Variants in TGFBR3 observed in about 807,000 individuals in gnomAD.
The protein encoded by TGFBR3 is transforming growth factor beta receptor 3, also known as transforming growth factor beta receptor type 3.
TGFBR3 carries 46 observed loss-of-function variants against 87.9 expected under a neutral mutation model. The observed-to-expected ratio is 0.52, with a 90% CI of 0.41 to 0.67. TGFBR3 has a LOEUF of 0.67. Ranked by LOEUF, TGFBR3 falls within the 30% of genes least tolerant of loss-of-function variation. The pLI is 0.00. For missense variants in TGFBR3, 866 were observed against 1,041.9 expected (o/e 0.83, Z 2.32); for synonymous variants, 381 against 391.6 (o/e 0.97, Z 0.32).
intron 2 of TGFBR3, chr1:91,830,040 C>T (rs1348672450): frequency 6.6e-6 from 1 of 152,240 alleles, no homozygotes; most frequent in Non-Finnish European, 1.5e-5. Flanking sequence ...CTCTTGAGTA[C>T]AGACCCAAAT....
At chr1:91,800,328 ATATGTGTGTGTG>A (rs1675567850) in intron 2 of TGFBR3, among the ~76,000 whole-genome samples, 1 of 122,578 alleles carries the variant, frequency 8.2e-6, no homozygotes, top group Admixed American at 8.1e-5. Flanking sequence ...ATATATGTGT[ATATGTGTGTGTG>A]TGTGTGTGTG....
At chr1:91,903,263 T>C (rs1679770734) in intron 1 of TGFBR3, among the ~76,000 whole-genome samples, 1 of 127,968 alleles carries the variant, frequency 7.8e-6, no homozygotes, top group South Asian at 2.6e-4. Context: ...TGCTTGAACC[T>C]GGGAGGCAGA....
At chr1:91,854,330 AC>A (rs1474583562) in intron 2 of TGFBR3, among the ~76,000 whole-genome samples, 1 of 151,950 alleles carries the variant, frequency 6.6e-6, no homozygotes, top group African/African-American at 2.4e-5. Flanking sequence ...CATGTCCTTC[AC>A]CATGGGGGCC....
chr1:91,896,491 G>A (rs184777445), intron 2 of TGFBR3, among the ~76,000 whole-genome samples: 142 of 152,276 alleles, frequency 9.3e-4, no homozygotes, highest in African/African-American at 3.3e-3. Flanking sequence ...TCCAGGCAGG[G>A]AGCAAGTATG....
intron 12 of TGFBR3, among the ~76,000 whole-genome samples, chr1:91,715,527 C>A (rs573522083): frequency 5.8e-4 from 89 of 152,214 alleles, no homozygotes; most frequent in Middle Eastern, 3.2e-3. Flanking sequence ...GCAATACTTA[C>A]AACTCTGTTT....
rs2987446 is a variant in TGFBR3, at chr1:91,893,472, A to G, written c.-114+6165T>C. Among the ~76,000 whole-genome samples the G allele has an allele frequency of 4.9e-3, 751 of 152,224 alleles. 4 individuals carry two copies. Among genetic ancestry groups the G allele is most frequent in the African/African-American group, 0.017 (727 of 41,548 alleles). On this transcript the variant is annotated intron_variant, in intron 2 of 17. Transcript: ENST00000370399. ...TTAATTGTTGTATTTTCTGTAGAGC[A>G]GGGTTTCACCATGTTGGCCAGGCTG...
chr1:91,746,591 G>A (rs1401661561), intron 4 of TGFBR3, among the ~76,000 whole-genome samples: 2 of 152,090 alleles, frequency 1.3e-5, no homozygotes, highest in African/African-American at 4.8e-5. Flanking sequence ...ATGTGCTCCT[G>A]GAGAACCCCA....
At chr1:91,905,536 G>C (rs748801179) in intron 1 of TGFBR3, among the ~76,000 whole-genome samples, 33 of 152,202 alleles carry the variant, frequency 2.2e-4, no homozygotes, top group Non-Finnish European at 2.8e-4. Context: ...AGGTTCAAGC[G>C]ATTCTCGTGC....
chr1:91,740,490 A>C (rs112787212), intron 4 of TGFBR3, among the ~76,000 whole-genome samples: 1 of 150,238 alleles, frequency 6.7e-6, no homozygotes, highest in Non-Finnish European at 1.5e-5. Flanking sequence ...TCAGCCTCCC[A>C]AGTAGCTGGG....
At chr1:91,740,196 A>G (rs894366292) in intron 4 of TGFBR3, among the ~76,000 whole-genome samples, 3 of 151,956 alleles carry the variant, frequency 2.0e-5, no homozygotes, top group Admixed American at 1.3e-4. Flanking sequence ...AGTAGCTGGG[A>G]TTACAGGCGT....
chr1:91,697,180 G>C (rs557341488), intron 15 of TGFBR3, among the ~76,000 whole-genome samples: 3 of 152,252 alleles, frequency 2.0e-5, no homozygotes, highest in African/African-American at 7.2e-5. Context: ...AATTGAACAT[G>C]ATTACAAGTT....
At chr1:91,878,545 C>T (rs1453768932) in intron 1 of TGFBR3, among the ~76,000 whole-genome samples, 1 of 152,198 alleles carries the variant, frequency 6.6e-6, no homozygotes, top group African/African-American at 2.4e-5. Flanking sequence ...CAGAGTTCTA[C>T]TAGACCCTCC....
upstream of TGFBR3, among the ~76,000 whole-genome samples, chr1:91,890,485 T>C (rs1166230775): frequency 6.2e-5 from 8 of 128,256 alleles, no homozygotes; most frequent in East Asian, 2.6e-4. Flanking sequence ...AGTGGCGCCA[T>C]CTTGGCTCAC....
chr1:91,782,927 C>T (rs1037327957), intron 3 of TGFBR3, among the ~76,000 whole-genome samples: 1 of 152,036 alleles, frequency 6.6e-6, no homozygotes, highest in African/African-American at 2.4e-5. Flanking sequence ...GCATGCAGTC[C>T]CTAACCTGTG....
At chr1:91,813,934 G>A (rs1365644444) in intron 2 of TGFBR3, among the ~76,000 whole-genome samples, 1 of 152,098 alleles carries the variant, frequency 6.6e-6, no homozygotes, top group African/African-American at 2.4e-5. Flanking sequence ...TTCACAACAG[G>A]GTTCACACTC....
chr1:91,829,572 C>T (rs565170159), intron 2 of TGFBR3, among the ~76,000 whole-genome samples: 13 of 152,172 alleles, frequency 8.5e-5, no homozygotes, highest in South Asian at 2.1e-4. Context: ...TAGCAGTCCC[C>T]TCAAAGGAAG....
chr1:91,732,542 G>T (rs1672811155), intron 5 of TGFBR3, among the ~76,000 whole-genome samples: 1 of 152,218 alleles, frequency 6.6e-6, no homozygotes, highest in Non-Finnish European at 1.5e-5. Flanking sequence ...AAGAAAGGTA[G>T]AGCCAGGTCG....
At chr1:91,880,542 G>A (rs11580045) in intron 1 of TGFBR3, among the ~76,000 whole-genome samples, 39,728 of 151,956 alleles carry the variant, frequency 0.26, 5,697 homozygotes, top group Non-Finnish European at 0.31. Context: ...AGCTTGCAGT[G>A]AGCCGAGATC....
chr1:91,817,401 C>T (rs1676272813), intron 2 of TGFBR3, among the ~76,000 whole-genome samples: 1 of 152,102 alleles, frequency 6.6e-6, no homozygotes, highest in South Asian at 2.1e-4. Context: ...ACACTATGAT[C>T]ATATTTCAGA....
Sources: allele counts gnomAD v4.1 joint callset (sites outside exome capture counted in the v4.1 genomes callset), GRCh38; gene constraint gnomAD v4.1.1; transcripts MANE v1.5; gene names NCBI Gene and HGNC (gene_info 2026-07-23, HGNC 2026-07-21).